The following RIMS3 variants were observed in gnomAD, a reference collection of about 807,000 sequenced individuals.
The protein encoded by RIMS3 is regulating synaptic membrane exocytosis 3.
RIMS3 carries 15 observed loss-of-function variants against 29.2 expected under a neutral mutation model. That is an observed-to-expected ratio of 0.51 (90% CI 0.34 to 0.79). RIMS3 has a LOEUF of 0.79. Ranked by LOEUF, RIMS3 falls within the 30% of genes least tolerant of loss-of-function variation. RIMS3 has a pLI of 0.01. For missense variants in RIMS3, 342 were observed against 421.4 expected (o/e 0.81, Z 1.65); for synonymous variants, 161 against 170.1 (o/e 0.95, Z 0.41).
chr1:40,683,350 T>C, the RIMS3 span, among the ~76,000 whole-genome samples: 1 of 152,258 alleles, frequency 6.6e-6, no homozygotes, highest in Non-Finnish European at 1.5e-5. Flanking sequence ...ACGAGGGCTC[T>C]GCCCTCATAA....
At position 40,626,590 on chromosome 1, in the gene RIMS3, G is replaced by A. The variant is rs762858465; in HGVS notation, c.854C>T (p.Ser285Phe). Reference protein sequence around the residue: ...KLFPTSSVADSTLGSLTRRLS... With the variant: ...KLFPTSSVADFTLGSLTRRLS... ...GCGCCTGGTGAGGGATCCGAGTGTGGAGTCTGCCACTGAGGAGGTGGGGAA... is the reference window on the plus strand; with the variant it reads ...GCGCCTGGTGAGGGATCCGAGTGTGAAGTCTGCCACTGAGGAGGTGGGGAA... The change falls in exon 8 of 8, where the codon TCC (serine) becomes TTC (phenylalanine). Residue 285 changes from serine (S) to phenylalanine (F), a missense_variant. Physicochemically the swap from Ser to Phe is radical, Grantham distance 155 (BLOSUM62 -2). Coordinates refer to ENST00000372684, the MANE Select transcript of RIMS3 (RefSeq NM_014747.3). The A allele has an allele frequency of 1.9e-6, 3 of 1,613,984 alleles. No individual in the cohort carries two copies. The highest frequency in any genetic ancestry group is 1.7e-5 in the Admixed American group (1 of 59,992).
the RIMS3 span, among the ~76,000 whole-genome samples, chr1:40,684,237 GA>G: frequency 6.6e-6 from 1 of 152,214 alleles, no homozygotes; most frequent in East Asian, 1.9e-4. Flanking sequence ...ACATATTGGG[GA>G]AAGTTGGATC....
the RIMS3 span, among the ~76,000 whole-genome samples, chr1:40,683,974 A>G: frequency 0.79 from 119,605 of 152,158 alleles, 47,640 homozygotes; most frequent in African/African-American, 0.9. Context: ...GAGTTACAGT[A>G]GATACAACCA....
At chr1:40,675,453 C>G in the RIMS3 span, among the ~76,000 whole-genome samples, 94 of 152,024 alleles carry the variant, frequency 6.2e-4, 1 homozygote, top group Admixed American at 6.0e-3. Context: ...AAAGCCCTGT[C>G]TCTACAAAAA....
the RIMS3 span, among the ~76,000 whole-genome samples, chr1:40,684,902 G>C: frequency 1.3e-5 from 2 of 152,186 alleles, no homozygotes; most frequent in African/African-American, 4.8e-5. Context: ...CGCTCTGTGA[G>C]GTGGTGTTTC....
chr1:40,667,581 C>A (rs1208455462), upstream of RIMS3, among the ~76,000 whole-genome samples: 1 of 152,044 alleles, frequency 6.6e-6, no homozygotes, highest in East Asian at 1.9e-4. Context: ...ATATTGGTTA[C>A]CAGAAGGACT....
the RIMS3 span, among the ~76,000 whole-genome samples, chr1:40,675,337 G>A: frequency 2.0e-5 from 3 of 151,992 alleles, no homozygotes; most frequent in Admixed American, 1.3e-4. Context: ...AGAAGTCAGA[G>A]ACAGCCAGGT....
chr1:40,646,689 C>A (rs1205992563), intron 2 of RIMS3, among the ~76,000 whole-genome samples: 1 of 152,144 alleles, frequency 6.6e-6, no homozygotes, highest in East Asian at 1.9e-4. Context: ...CCAAAAGAGA[C>A]CTGCCCAGCT....
At chr1:40,661,343 C>T (rs1359565280) in intron 1 of RIMS3, among the ~76,000 whole-genome samples, 2 of 152,168 alleles carry the variant, frequency 1.3e-5, no homozygotes, top group African/African-American at 2.4e-5. Flanking sequence ...ATGCCCTCCA[C>T]CTCATCCTTG....
chr1:40,673,016 C>T, the RIMS3 span, among the ~76,000 whole-genome samples: 8 of 152,082 alleles, frequency 5.3e-5, no homozygotes, highest in Non-Finnish European at 1.0e-4. Context: ...CCTGTCTCTA[C>T]TAAAAATACA....
At chr1:40,629,082 G>A in intron 6 of RIMS3, 133 bp from the exon 7 acceptor site, 1 of 1,226,220 alleles carries the variant, frequency 8.2e-7, no homozygotes, top group East Asian at 2.4e-5. Flanking sequence ...ACAGCAGGCA[G>A]AAGAGGTGAC....
chr1:40,685,342 T>TTA, the RIMS3 span, among the ~76,000 whole-genome samples: 13 of 106,676 alleles, frequency 1.2e-4, no homozygotes, highest in Admixed American at 6.6e-4. Context: ...TATAATTATA[T>TTA]TATATATATA....
chr1:40,680,784 C>T, the RIMS3 span, among the ~76,000 whole-genome samples: 87 of 152,254 alleles, frequency 5.7e-4, 2 homozygotes, highest in East Asian at 0.011. Flanking sequence ...AAGCTAGTTA[C>T]AAACTTCTAA....
intron 6 of RIMS3, 45 bp from the exon 7 acceptor site, chr1:40,628,994 C>G: frequency 6.2e-7 from 1 of 1,610,594 alleles, no homozygotes; most frequent in Non-Finnish European, 8.5e-7. Flanking sequence ...CCAGGACAGA[C>G]AGCTTTGGCC....
chr1:40,642,623 C>T (rs896795231), intron 2 of RIMS3, among the ~76,000 whole-genome samples: 1 of 152,168 alleles, frequency 6.6e-6, no homozygotes, highest in African/African-American at 2.4e-5. Flanking sequence ...TGAACTCATA[C>T]TGCAAATATC....
At chr1:40,629,041 A>C in intron 6 of RIMS3, 92 bp from the exon 7 acceptor site, 2 of 1,528,194 alleles carry the variant, frequency 1.3e-6, no homozygotes, top group South Asian at 2.3e-5. Context: ...CTTGGAGGTG[A>C]GCAGGATGTG....
the RIMS3 span, among the ~76,000 whole-genome samples, chr1:40,681,912 C>T: frequency 2.0e-5 from 3 of 152,212 alleles, no homozygotes; most frequent in African/African-American, 7.2e-5. Context: ...TGGCTCACTG[C>T]ACCCTCCACC....
chr1:40,635,972 G>A lies in RIMS3; in HGVS notation c.303C>T (p.Arg101=). ...IAVEMRSRVT[R]QGSRESTDGS... is the part of the protein sequence containing the mutation. The stretch of plus-strand genomic sequence containing the variant: ...CATCGGTGGACTCCCGGCTGCCCTG[G>A]CGTGTGACCCGGCTCCGCATCTCCA... Residue 101 remains arginine (R), a synonymous_variant, in exon 4 of 8, where the codon CGC becomes CGT. Coordinates refer to ENST00000372684, the MANE Select transcript of RIMS3 (RefSeq NM_014747.3). The surrounding 1 kb of genome is among the most constrained non-coding windows in gnomAD (Gnocchi z 4.1). The A allele has an allele frequency of 1.2e-6, 2 of 1,611,616 alleles. No individual in the cohort carries two copies. The highest frequency in any genetic ancestry group is 1.1e-5 in the South Asian group (1 of 91,066).
In RIMS3 at chr1:40,625,220, A is replaced by G. The variant is rs1646446052; in HGVS notation, c.*1297T>C. 1 of 152,990 alleles carries G rather than the reference A, an allele frequency of 6.5e-6. No homozygotes were observed. The highest frequency in any genetic ancestry group is 6.6e-5 in the Admixed American group (1 of 15,264). 9.5% of individuals were successfully genotyped at this position (152,990 alleles called of 1,614,324 possible). On this transcript the variant is annotated 3_prime_UTR_variant, in exon 8 of 8. Transcript: ENST00000372684. ...AGCTCCAACCAGACATGGGTGAGAAAGCAAGCAGAGGCAGGTGGGTGCCTG... is the reference window on the plus strand; with the variant it reads ...AGCTCCAACCAGACATGGGTGAGAAGGCAAGCAGAGGCAGGTGGGTGCCTG...
Sources: gnomAD v4.1 joint callset for allele counts (sites outside exome capture counted in the v4.1 genomes callset) on GRCh38, gnomAD v4.1.1 for gene constraint, Gnocchi (gnomAD v3.1) non-coding constraint, MANE v1.5 for transcripts, NCBI Gene and HGNC (gene_info 2026-07-23, HGNC 2026-07-21) for gene names.